The following ZNF546 variants were observed in gnomAD, a reference collection of about 807,000 sequenced individuals.
ZNF546 encodes CTC-471F3.6.
In ZNF546, 60 loss-of-function variants were observed where a neutral mutation model predicts 76.2. The ratio of observed to expected loss-of-function variants is 0.79; its 90% confidence interval spans 0.64 to 0.98. The LOEUF (loss-of-function observed/expected upper bound fraction) is 0.98, where lower values mean the gene tolerates loss of function less well. Ranked by LOEUF, ZNF546 falls within the 50% of genes least tolerant of loss-of-function variation. The pLI is 0.00. For synonymous variants in ZNF546, 277 were observed against 328.1 expected, an observed-to-expected ratio of 0.84 and a Z score of 1.68; for missense variants, 936 against 1,035.6, an observed-to-expected ratio of 0.90 and a Z score of 1.32.
At position 40,014,541 on chromosome 19, in the gene ZNF546, T is replaced by C. The variant is rs553030394; in HGVS notation, c.1271T>C (p.Phe424Ser). The C allele has an allele frequency of 2.8e-5, 45 of 1,614,070 alleles. 1 individual carries two copies. In the South Asian group the frequency reaches 4.7e-4, roughly 17 times the overall value. ...ECKECGKSFS[F>S]HAELARHRRI... ...AAAGAATGTGGTAAGTCCTTTAGTT[T>C]TCATGCAGAACTTGCTCGACATCGT... The change falls in exon 7 of 7, where the codon TTT becomes TCT. Residue 424 changes from phenylalanine (F) to serine (S), a missense_variant. By Grantham distance (155) the Phe-to-Ser change is radical (BLOSUM62 -2). Coordinates refer to ENST00000347077, the MANE Select transcript of ZNF546 (RefSeq NM_178544.5).
chr19:40,014,915 T>C lies in ZNF546; in HGVS notation c.1645T>C (p.Cys549Arg), dbSNP rs200338994. 2.0e-4 allele frequency: 322 copies of C among 1,606,246 alleles called. No individual in the cohort carries two copies. The highest frequency in any genetic ancestry group is 2.6e-4 in the Non-Finnish European group (301 of 1,177,206). ...ELTRHHRIHT[C>R]EKPYECKECG... ...TACCCGACATCACAGAATTCATACA[T>C]GTGAGAAACCCTATGAATGTAAGGA... The change falls in exon 7 of 7, where the codon TGT becomes CGT. Residue 549 changes from cysteine to arginine, a missense_variant. Coordinates refer to ENST00000347077, the MANE Select transcript of ZNF546 (RefSeq NM_178544.5).
In ZNF546 at chr19:40,018,803, T is replaced by C. The variant is rs562330569; in HGVS notation, c.*3022T>C. 9.9e-5 allele frequency: 15 copies of C among 152,264 alleles called. No homozygotes were observed. The highest frequency in any genetic ancestry group is 3.4e-4 in the African/African-American group (14 of 41,468). The allele number at this position is 152,264 out of a possible 1,614,324, so 9.4% of individuals were successfully genotyped here. On this transcript the variant is annotated 3_prime_UTR_variant, in exon 7 of 7. Transcript: ENST00000347077. ...CAGCCGGGATCCAGCACCAAGTGTA[T>C]GAGGGTATGAGCCTTCAGATGATTC...
In ZNF546 at chr19:40,013,912, G is replaced by A. The variant is rs1971707502; in HGVS notation, c.642G>A (p.Glu214=). 6.2e-7 allele frequency: 1 copy of A among 1,607,762 alleles called. No homozygotes were observed. Among genetic ancestry groups the A allele is most frequent in the Non-Finnish European group, 8.5e-7 (1 of 1,177,088 alleles). ...TACATCCAAAAATTCATGCTAGAGA[G>A]AAATCATATGAATGTAAGGAATGTA... The part of the protein sequence containing the change: ...HPLHPKIHAR[E]KSYECKECRK... Residue 214 remains glutamate (E), a synonymous_variant, in exon 7 of 7, where the codon GAG becomes GAA. Transcript: ENST00000347077.
intron 3 of ZNF546, among the ~76,000 whole-genome samples, chr19:40,000,553 T>C (rs985985151): frequency 3.3e-5 from 5 of 149,504 alleles, no homozygotes; most frequent in Admixed American, 6.7e-5. Flanking sequence ...ACCCAGGAGG[T>C]TGCAGTGAGC....
chr19:40,000,595 G>A (rs1164905280), intron 3 of ZNF546, among the ~76,000 whole-genome samples: 9 of 136,356 alleles, frequency 6.6e-5, no homozygotes, highest in Non-Finnish European at 1.2e-4. Flanking sequence ...CAGGCTGGGC[G>A]ACAGAGTGAG....
rs1168662503 is a variant in ZNF546, at chr19:40,013,795, T to C, written c.525T>C (p.Gly175=). ...ATGAGGACACCATTTTCAGAAATGG[T>C]TTGCAGTGTAAACATGAATTTGAGA... ...TIHEDTIFRN[G]LQCKHEFERQ... The change falls in exon 7 of 7, where the codon GGT becomes GGC. Residue 175 remains glycine, a synonymous_variant. Transcript: ENST00000347077. 4.3e-6 allele frequency: 7 copies of C among 1,613,790 alleles called. No individual in the cohort carries two copies. In the East Asian group the frequency reaches 8.9e-5, roughly 21 times the overall value.
chr19:39,999,073 G>A (rs1387549797), intron 3 of ZNF546, among the ~76,000 whole-genome samples: 3 of 152,082 alleles, frequency 2.0e-5, no homozygotes, highest in Admixed American at 6.5e-5. Flanking sequence ...GCACCCAGCC[G>A]CAAATTTTAA....
intron 6 of ZNF546, among the ~76,000 whole-genome samples, chr19:40,012,545 A>G (rs923901111): frequency 6.6e-5 from 10 of 152,180 alleles, no homozygotes; most frequent in African/African-American, 2.4e-4. Context: ...GGTTTTTATC[A>G]ATGGTAATAT....
intron 5 of ZNF546, among the ~76,000 whole-genome samples, 168 bp downstream of exon 5, chr19:40,007,568 C>T (rs142870015): frequency 2.4e-4 from 37 of 152,266 alleles, no homozygotes; most frequent in African/African-American, 8.7e-4. Context: ...AGCAACTTCA[C>T]CTTTCTGACC....
rs1208382724 is a variant in ZNF546, at chr19:40,018,725, T to C, written c.*2944T>C. ...ACCATGCTATGAAGATGCCAAGTAA[T>C]CACATAGAAAAGCTAAGTAAAGCTG... On this transcript the variant is annotated 3_prime_UTR_variant, in exon 7 of 7. Transcript: ENST00000347077. 1.3e-5 allele frequency: 2 copies of C among 152,210 alleles called. No individual in the cohort carries two copies. Among genetic ancestry groups the C allele is most frequent in the African/African-American group, 4.8e-5 (2 of 41,428 alleles). 9.4% of individuals were successfully genotyped at this position (152,210 alleles called of 1,614,324 possible).
At chr19:40,009,428 A>G (rs557027881) in intron 6 of ZNF546, among the ~76,000 whole-genome samples, 35 of 152,300 alleles carry the variant, frequency 2.3e-4, no homozygotes, top group African/African-American at 7.5e-4. Flanking sequence ...TCTTAATCAT[A>G]TTTATTGAGG....
intron 3 of ZNF546, among the ~76,000 whole-genome samples, chr19:40,004,610 A>G (rs1009059232): frequency 2.0e-4 from 30 of 152,196 alleles, no homozygotes; most frequent in Non-Finnish European, 3.4e-4. Flanking sequence ...TTAAAAATAT[A>G]TCAAGTAATG....
At chr19:40,007,500 C>A (rs1971619747) in intron 5 of ZNF546, 100 bp downstream of exon 5, 2 of 1,233,010 alleles carry the variant, frequency 1.6e-6, no homozygotes, top group Non-Finnish European at 2.1e-6. Flanking sequence ...TGACTGACAC[C>A]CCTATTTCTA....
At chr19:40,009,053 T>C (rs1373524514) in intron 6 of ZNF546, among the ~76,000 whole-genome samples, 6 of 152,312 alleles carry the variant, frequency 3.9e-5, no homozygotes, top group African/African-American at 1.4e-4. Flanking sequence ...AATCAAGTTT[T>C]CATATGTGTT....
intron 3 of ZNF546, among the ~76,000 whole-genome samples, chr19:40,003,074 C>T (rs1599738929): frequency 3.6e-5 from 5 of 138,772 alleles, no homozygotes; most frequent in Admixed American, 1.6e-4. Flanking sequence ...CTCGCTCTGT[C>T]GCCCAGGCTG....
At chr19:40,012,940 A>G (rs564916956) in intron 6 of ZNF546, among the ~76,000 whole-genome samples, 1 of 151,744 alleles carries the variant, frequency 6.6e-6, no homozygotes, top group African/African-American at 2.4e-5. Flanking sequence ...CAGCCTCCCG[A>G]GTAGCTGGGA....
chr19:40,013,418 G>C (rs1191680946), intron 6 of ZNF546, among the ~76,000 whole-genome samples: 1 of 152,092 alleles, frequency 6.6e-6, no homozygotes, highest in Non-Finnish European at 1.5e-5. Context: ...CTTTTGTGCT[G>C]TAATAACAGA....
rs747697562 is a variant in ZNF546 at position 40,015,361 on chromosome 19, A to T, written c.2091A>T (p.Glu697Asp). The T allele has an allele frequency of 3.7e-6, 6 of 1,614,120 alleles. No individual in the cohort carries two copies. The change falls in exon 7 of 7, where the codon GAA becomes GAT. Residue 697 changes from glutamate to aspartate, a missense_variant. By Grantham distance (45) the Glu-to-Asp change is conservative (BLOSUM62 2). Transcript: ENST00000347077. ...HTGEKPYICN[E>D]CGNAFICSYR... ...GTGAGAAGCCCTACATATGTAATGAATGTGGGAATGCTTTTATTTGCAGTT... is the reference window on the plus strand; with the variant it reads ...GTGAGAAGCCCTACATATGTAATGATTGTGGGAATGCTTTTATTTGCAGTT...
chr19:40,007,126 A>T, intron 4 of ZNF546, 148 bp from the exon 5 acceptor site: 1 of 507,376 alleles, frequency 2.0e-6, no homozygotes, highest in African/African-American at 2.0e-5. Context: ...ACTTTATTTC[A>T]GAAATATTAA....
Sources: gnomAD v4.1 joint callset for allele counts (sites outside exome capture counted in the v4.1 genomes callset) on GRCh38, gnomAD v4.1.1 for gene constraint, MANE v1.5 for transcripts, NCBI Gene and HGNC (gene_info 2026-07-23, HGNC 2026-07-21) for gene names.